The following TMSB15B variants were observed in gnomAD, a reference collection of about 807,000 sequenced individuals.
The protein encoded by TMSB15B is thymosin beta 15B.
chrX:103,937,390 A>G (rs1331051824), intron 1 of TMSB15B, among the ~76,000 whole-genome samples: 1 of 111,525 alleles, frequency 9.0e-6, no homozygotes, highest in African/African-American at 3.3e-5. Flanking sequence ...CCTGGTTTAG[A>G]CTTGGGAGGG....
intron 1 of TMSB15B, among the ~76,000 whole-genome samples, chrX:103,929,758 G>A (rs1280989379): frequency 9.0e-6 from 1 of 111,661 alleles, no homozygotes; most frequent in African/African-American, 3.3e-5. Flanking sequence ...TGAGAGCAAG[G>A]TGATAACATT....
chrX:103,955,134 G>GA (rs1190515296), intron 1 of TMSB15B, among the ~76,000 whole-genome samples: 1 of 110,570 alleles, frequency 9.0e-6, no homozygotes, highest in Non-Finnish European at 1.9e-5. Context: ...TAGGATAAAA[G>GA]AAAAAAAACA....
At chrX:103,939,764 T>G (rs1392624708) in intron 1 of TMSB15B, among the ~76,000 whole-genome samples, 1 of 112,152 alleles carries the variant, frequency 8.9e-6, no homozygotes, top group Non-Finnish European at 1.9e-5. Context: ...TTTAGCCTTT[T>G]TGCGTTGTTT....
At chrX:103,922,538 G>A (rs1380055019) in intron 1 of TMSB15B, among the ~76,000 whole-genome samples, 1 of 110,331 alleles carries the variant, frequency 9.1e-6, no homozygotes, top group African/African-American at 3.3e-5. Flanking sequence ...ACATGAACTC[G>A]TCCTTTTTTA....
intron 1 of TMSB15B, among the ~76,000 whole-genome samples, chrX:103,937,262 A>G (rs2075000605): frequency 9.0e-6 from 1 of 111,383 alleles, no homozygotes; most frequent in African/African-American, 3.3e-5. Context: ...TCCTCTTTGT[A>G]CCTCTGGTAG....
intron 1 of TMSB15B, among the ~76,000 whole-genome samples, chrX:103,923,062 C>A (rs1556318119): frequency 8.9e-6 from 1 of 112,052 alleles, no homozygotes; most frequent in African/African-American, 3.2e-5. Flanking sequence ...TTGATTTTTT[C>A]TTGTACATTT....
At chrX:103,929,597 G>C (rs1485979022) in intron 1 of TMSB15B, among the ~76,000 whole-genome samples, 3 of 111,960 alleles carry the variant, frequency 2.7e-5, no homozygotes, top group African/African-American at 9.7e-5. Flanking sequence ...AACTCGTCAG[G>C]TGCCACAAGA....
intron 1 of TMSB15B, among the ~76,000 whole-genome samples, chrX:103,944,024 T>C (rs2075019032): frequency 8.9e-6 from 1 of 112,154 alleles, no homozygotes; most frequent in South Asian, 3.7e-4. Context: ...CTTCATGTTA[T>C]CGAGGGCAAG....
intron 1 of TMSB15B, among the ~76,000 whole-genome samples, chrX:103,924,628 T>C (rs2074963057): frequency 8.9e-6 from 1 of 111,788 alleles, no homozygotes; most frequent in African/African-American, 3.3e-5. Flanking sequence ...TTACCCCCAA[T>C]GATTTAGTGG....
At chrX:103,947,156 T>C (rs2075027702) in intron 1 of TMSB15B, among the ~76,000 whole-genome samples, 1 of 110,880 alleles carries the variant, frequency 9.0e-6, no homozygotes, top group Admixed American at 9.6e-5. Flanking sequence ...AATAAATAAA[T>C]TGTAGTATAT....
intron 1 of TMSB15B, among the ~76,000 whole-genome samples, chrX:103,930,450 T>G (rs112274341): frequency 9.0e-6 from 1 of 111,205 alleles, no homozygotes; most frequent in African/African-American, 3.3e-5. Flanking sequence ...TGTTCTTGTA[T>G]TCTTCAATAC....
At chrX:103,932,348 G>A (rs2147819189) in intron 1 of TMSB15B, 1 of 111,587 alleles carries the variant, frequency 9.0e-6, no homozygotes, top group Non-Finnish European at 1.9e-5. Context: ...CACCCAGCTG[G>A]TGTTTGCTGC....
chrX:103,933,895 G>A (rs1556320458), intron 1 of TMSB15B, among the ~76,000 whole-genome samples: 3 of 107,663 alleles, frequency 2.8e-5, no homozygotes, highest in Non-Finnish European at 5.7e-5. Flanking sequence ...TATGTTTCTG[G>A]GGTACATTTG....
At chrX:103,924,546 C>T (rs782077712) in intron 1 of TMSB15B, among the ~76,000 whole-genome samples, 18 of 111,647 alleles carry the variant, frequency 1.6e-4, no homozygotes, top group Non-Finnish European at 2.8e-4. Flanking sequence ...ATTGTTTACC[C>T]GTCTTCCCTA....
intron 1 of TMSB15B, chrX:103,928,819 C>G: frequency 8.3e-7 from 1 of 1,200,869 alleles, no homozygotes; most frequent in Non-Finnish European, 1.1e-6. Context: ...TATGCAGTCC[C>G]ATATTGGATG....
At chrX:103,940,733 G>A (rs782134765) in intron 1 of TMSB15B, among the ~76,000 whole-genome samples, 2 of 110,306 alleles carry the variant, frequency 1.8e-5, no homozygotes, top group African/African-American at 6.6e-5. Context: ...AACAACAACA[G>A]CAACAACAAC....
At chrX:103,935,437 A>G (rs1428209305) in intron 1 of TMSB15B, among the ~76,000 whole-genome samples, 1 of 111,738 alleles carries the variant, frequency 8.9e-6, no homozygotes, top group Non-Finnish European at 1.9e-5. Flanking sequence ...CCTGAGTGGT[A>G]TTGCCTAGGT....
At chrX:103,941,560 G>A (rs1259982154) in intron 1 of TMSB15B, among the ~76,000 whole-genome samples, 1 of 111,676 alleles carries the variant, frequency 9.0e-6, no homozygotes, top group East Asian at 2.8e-4. Flanking sequence ...TAACTGGGGT[G>A]AGATGAAATC....
rs189668963 is a variant in TMSB15B at position 103,947,128 on chromosome X, C to T, written c.-720-14893C>T. On this transcript the variant is annotated intron_variant, in intron 1 of 3. Coordinates refer to the TMSB15B transcript ENST00000419165. ...CCACACTGAAAAAAAAAACCAAGAGCCCACAAGCAGTAGAATGAATAAATA... is the reference window on the plus strand; with the variant it reads ...CCACACTGAAAAAAAAAACCAAGAGTCCACAAGCAGTAGAATGAATAAATA... Among the ~76,000 whole-genome samples the T allele has an allele frequency of 3.6e-5, 4 of 109,970 alleles. No homozygotes were observed. In the East Asian group the frequency reaches 1.1e-3, roughly 31 times the overall value.
Sources: allele counts gnomAD v4.1 joint callset (sites outside exome capture counted in the v4.1 genomes callset), GRCh38; gene constraint gnomAD v4.1.1; transcripts MANE v1.5; gene names NCBI Gene and HGNC (gene_info 2026-07-23, HGNC 2026-07-21).